CDH6: variants seen among roughly 807,000 people sequenced by gnomAD.
CDH6 encodes the protein cadherin 6.
In CDH6, 31 loss-of-function variants were observed where a neutral mutation model predicts 78.0. The ratio of observed to expected loss-of-function variants is 0.40; its 90% CI spans 0.30 to 0.54. The LOEUF (loss-of-function observed/expected upper bound fraction) is 0.54, where lower values mean the gene tolerates loss of function less well. CDH6 is among the 20% of genes least tolerant of loss of function. The pLI, the probability that CDH6 is intolerant of heterozygous loss-of-function variation, is 0.56. For missense variants in CDH6, 724 were observed against 975.9 expected (o/e 0.74, Z 3.44); for synonymous variants, 376 against 368.8 (o/e 1.02, Z -0.23).
chr5:31,326,262 GAT>G lies in CDH6; in HGVS notation c.*2957_*2958del, dbSNP rs150699476. 2,786 of 221,060 alleles carry G rather than the reference GAT, an allele frequency of 0.013. 149 individuals are homozygous for G. The highest frequency in any genetic ancestry group is 0.083 in the Admixed American group (1,439 of 17,336). 13.7% of individuals were successfully genotyped at this position (221,060 alleles called of 1,614,324 possible). On this transcript the variant is annotated 3_prime_UTR_variant, in exon 12 of 12. Coordinates refer to ENST00000265071, the MANE Select transcript of CDH6 (RefSeq NM_004932.4). The stretch of plus-strand genomic sequence containing the variant: ...TCAAGGACATTGAGAGCTTTCTGAT[GAT>G]ATGTTTTTGCCCTCTATTCAAAAGC...
At chr5:31,266,899 A>AT (rs1742376402) in intron 1 of CDH6, among the ~76,000 whole-genome samples, 1 of 152,194 alleles carries the variant, frequency 6.6e-6, no homozygotes, top group Non-Finnish European at 1.5e-5. Context: ...GATTCAATAC[A>AT]TTTTAGCAAA....
At position 31,302,111 on chromosome 5, in the gene CDH6, G is replaced by A. The variant is rs1189161761; in HGVS notation, c.812G>A (p.Ser271Asn). 6 of 1,609,410 alleles carry A rather than the reference G, an allele frequency of 3.7e-6. No individual in the cohort carries two copies. The African/African-American group carries it at 6.7e-5, about 18-fold the overall frequency. ...CTTATATCTGTCTGGTGATTAATAGGTACATACCAGTTTAAAACTCCTGAA... is the reference window on the plus strand; with the variant it reads ...CTTATATCTGTCTGGTGATTAATAGATACATACCAGTTTAAAACTCCTGAA... Reference protein sequence around the residue: ...VNDNPPRFPQSTYQFKTPESS... With the variant: ...VNDNPPRFPQNTYQFKTPESS... The change falls in exon 6 of 12, where the codon AGT becomes AAT. Residue 271 changes from serine (S) to asparagine (N), a missense_variant and splice_region_variant. Ser to Asn is a conservative substitution (Grantham distance 46, BLOSUM62 1). This residue lies in a region of CDH6 where 446 missense variants were observed against 684.5 expected (regional missense o/e 0.65). Coordinates refer to ENST00000265071, the MANE Select transcript of CDH6 (RefSeq NM_004932.4).
At chr5:31,287,039 G>C (rs1428302759) in intron 2 of CDH6, among the ~76,000 whole-genome samples, 1 of 152,108 alleles carries the variant, frequency 6.6e-6, no homozygotes, top group South Asian at 2.1e-4. Context: ...GATGTGCTGA[G>C]TGTAAGTTGT....
intron 1 of CDH6, among the ~76,000 whole-genome samples, chr5:31,204,103 G>C (rs1314751049): frequency 2.0e-5 from 3 of 152,198 alleles, no homozygotes; most frequent in African/African-American, 7.2e-5. Flanking sequence ...TTTAAGATAA[G>C]AATGCAGGAA....
intron 1 of CDH6, among the ~76,000 whole-genome samples, chr5:31,237,241 C>T (rs1327843340): frequency 2.6e-5 from 4 of 151,934 alleles, no homozygotes; most frequent in African/African-American, 9.7e-5. Flanking sequence ...TATCCCAAGG[C>T]TAAAAGGAGC....
intron 1 of CDH6, among the ~76,000 whole-genome samples, chr5:31,243,164 G>T (rs912996033): frequency 5.9e-5 from 9 of 152,142 alleles, no homozygotes; most frequent in African/African-American, 2.2e-4. Context: ...TTCTTCTGGT[G>T]TGAGAACCCT....
intron 1 of CDH6, among the ~76,000 whole-genome samples, chr5:31,206,367 C>G (rs1394295763): frequency 6.6e-6 from 1 of 152,098 alleles, no homozygotes; most frequent in Non-Finnish European, 1.5e-5. Context: ...CTTTTTCATC[C>G]TTCAGTGAGT....
intron 1 of CDH6, among the ~76,000 whole-genome samples, chr5:31,262,898 T>C (rs1447875221): frequency 6.6e-6 from 1 of 152,218 alleles, no homozygotes; most frequent in Non-Finnish European, 1.5e-5. Context: ...AAAGTTGCGC[T>C]GCTTCCGGGC....
At chr5:31,242,185 A>C (rs1173934394) in intron 1 of CDH6, among the ~76,000 whole-genome samples, 1 of 152,224 alleles carries the variant, frequency 6.6e-6, no homozygotes, top group Non-Finnish European at 1.5e-5. Flanking sequence ...TTGAGCTAGC[A>C]GAGCCCAAAT....
At chr5:31,311,782 G>C (rs1700544066) in intron 7 of CDH6, among the ~76,000 whole-genome samples, 1 of 152,146 alleles carries the variant, frequency 6.6e-6, no homozygotes, top group South Asian at 2.1e-4. Flanking sequence ...ATCAGCAAGG[G>C]AGAAGTCTGC....
At chr5:31,306,938 G>A (rs1467705620) in intron 7 of CDH6, among the ~76,000 whole-genome samples, 3 of 152,134 alleles carry the variant, frequency 2.0e-5, no homozygotes, top group Non-Finnish European at 4.4e-5. Flanking sequence ...TGAAATTAAA[G>A]GGCGAACCAT....
At chr5:31,222,119 A>G (rs1292458664) in intron 1 of CDH6, among the ~76,000 whole-genome samples, 2 of 152,198 alleles carry the variant, frequency 1.3e-5, no homozygotes, top group African/African-American at 4.8e-5. Context: ...AAAACTTCTT[A>G]CAAGAGAAAT....
chr5:31,230,000 G>A (rs748073939), intron 1 of CDH6, among the ~76,000 whole-genome samples: 5 of 152,156 alleles, frequency 3.3e-5, no homozygotes, highest in Middle Eastern at 3.2e-3. Flanking sequence ...CTGTATGGGC[G>A]TTTAATTGGC....
chr5:31,250,611 A>G (rs1259130211), intron 1 of CDH6: 2 of 152,428 alleles, frequency 1.3e-5, no homozygotes, highest in African/African-American at 4.8e-5. Flanking sequence ...AGGACTCTAC[A>G]CAGCCCCAAC....
rs1333617197 is a variant in CDH6, at chr5:31,326,231, G to A, written c.*2923G>A. On this transcript the variant is annotated 3_prime_UTR_variant, in exon 12 of 12. Coordinates refer to ENST00000265071, the MANE Select transcript of CDH6 (RefSeq NM_004932.4). ...AAGCATAACCAGATTGCTTTTGTGGGTTGTTTCAAGGACATTGAGAGCTTT... is the reference window on the plus strand; with the variant it reads ...AAGCATAACCAGATTGCTTTTGTGGATTGTTTCAAGGACATTGAGAGCTTT... 4 of 222,360 alleles carry A rather than the reference G, an allele frequency of 1.8e-5. No individual in the cohort carries two copies. The highest frequency in any genetic ancestry group is 2.7e-5 in the Non-Finnish European group (3 of 111,432). 13.8% of individuals were successfully genotyped at this position (222,360 alleles called of 1,614,324 possible).
intron 1 of CDH6, among the ~76,000 whole-genome samples, chr5:31,199,444 A>G (rs12332082): frequency 4.3e-4 from 2 of 4,700 alleles, no homozygotes; most frequent in Non-Finnish European, 2.0e-3. Flanking sequence ...GTGTATATAT[A>G]CACACACATA....
chr5:31,318,018 C>A, intron 11 of CDH6, 94 bp downstream of exon 11: 1 of 1,429,020 alleles, frequency 7.0e-7, no homozygotes, highest in East Asian at 2.3e-5. Context: ...CCCATTAAGG[C>A]ATACAGCCTG....
chr5:31,202,694 CACATATAT>C (rs1740389801), intron 1 of CDH6, among the ~76,000 whole-genome samples: 2 of 150,664 alleles, frequency 1.3e-5, no homozygotes, highest in Admixed American at 1.3e-4. Context: ...TGTATATATA[CACATATAT>C]ACATACATGC....
At chr5:31,213,115 T>C (rs760964723) in intron 1 of CDH6, among the ~76,000 whole-genome samples, 3 of 152,212 alleles carry the variant, frequency 2.0e-5, no homozygotes, top group Non-Finnish European at 2.9e-5. Context: ...TTATTTTGAA[T>C]GCGTACTCTT....
Sources: allele counts gnomAD v4.1 joint callset (sites outside exome capture counted in the v4.1 genomes callset), GRCh38; gene constraint gnomAD v4.1.1; regional missense constraint gnomAD v4.1.1; transcripts MANE v1.5; gene names NCBI Gene and HGNC (gene_info 2026-07-23, HGNC 2026-07-21).